GRIA4: variants seen among roughly 807,000 people sequenced by gnomAD.
GRIA4 encodes the protein glutamate receptor 4.
GRIA4 carries 34 observed loss-of-function variants against 104.0 expected under a neutral mutation model. The ratio of observed to expected loss-of-function variants is 0.33; its 90% CI spans 0.25 to 0.44. The LOEUF (loss-of-function observed/expected upper bound fraction) is 0.44, where lower values mean the gene tolerates loss of function less well. GRIA4 is among the 20% of genes least tolerant of loss of function. The probability of loss-of-function intolerance (pLI) is 1.00; values close to 1 mark genes in which losing one functional copy is unlikely to be tolerated. For synonymous variants in GRIA4, 386 were observed against 381.9 expected (o/e 1.01, Z -0.13); for missense variants, 750 against 1,096.5 (o/e 0.68, Z 4.46).
chr11:105,727,601 A>T (rs1938297107), intron 3 of GRIA4, among the ~76,000 whole-genome samples: 1 of 152,192 alleles, frequency 6.6e-6, no homozygotes, highest in Non-Finnish European at 1.5e-5. Context: ...GAAATGAAGG[A>T]AAAAATGTTA....
Position 105,933,879 on chromosome 11 carries a change from A to G in GRIA4, c.2204A>G (p.Glu735Gly). 6.2e-7 allele frequency: 1 copy of G among 1,613,456 alleles called. No homozygotes were observed. The highest frequency in any genetic ancestry group is 8.5e-7 in the Non-Finnish European group (1 of 1,179,520). The stretch of plus-strand genomic sequence containing the variant: ...GAGTCCACTATGAATGAATACATTG[A>G]GCAGCGAAAGCCATGTGACACGATG... ...LLESTMNEYI[E>G]QRKPCDTMKV... is the part of the protein sequence containing the mutation. Residue 735 changes from glutamate to glycine, a missense_variant, in exon 14 of 17, where the codon GAG becomes GGG. Coordinates refer to ENST00000282499, the MANE Select transcript of GRIA4 (RefSeq NM_000829.4).
intron 13 of GRIA4, among the ~76,000 whole-genome samples, chr11:105,932,336 A>C (rs945208570): frequency 3.3e-5 from 5 of 151,952 alleles, no homozygotes; most frequent in Admixed American, 6.6e-5. Context: ...ACAGGGTTTC[A>C]CCATGTTGGC....
At chr11:105,806,350 C>T (rs925465533) in intron 4 of GRIA4, among the ~76,000 whole-genome samples, 1 of 151,628 alleles carries the variant, frequency 6.6e-6, no homozygotes, top group Non-Finnish European at 1.5e-5. Context: ...AGAGATAGAA[C>T]AAAGGAGAAC....
intron 4 of GRIA4, among the ~76,000 whole-genome samples, chr11:105,819,094 T>C (rs531264971): frequency 1.3e-5 from 2 of 152,272 alleles, no homozygotes; most frequent in South Asian, 4.1e-4. Context: ...TATTTTAGTA[T>C]ATAATTTGTC....
rs141341912 is a variant in GRIA4, at chr11:105,686,360, T to C, written c.248-66621T>C. Among the ~76,000 whole-genome samples the C allele has an allele frequency of 2.0e-3, 305 of 152,352 alleles. 2 individuals are homozygous for C. Among genetic ancestry groups the C allele is most frequent in the African/African-American group, 7.1e-3 (294 of 41,582 alleles). The stretch of plus-strand genomic sequence containing the variant: ...TGTTCCTGCGTTAATTCACTTAAGC[T>C]AGTGGCTTCCAGCTGCATCTATGTT... On this transcript the variant is annotated intron_variant, in intron 3 of 16. Transcript: ENST00000282499.
At chr11:105,630,176 C>T (rs1440454269) in intron 3 of GRIA4, among the ~76,000 whole-genome samples, 1 of 152,176 alleles carries the variant, frequency 6.6e-6, no homozygotes, top group East Asian at 1.9e-4. Flanking sequence ...TTTATTTGCA[C>T]TCCCCACATT....
intron 14 of GRIA4, among the ~76,000 whole-genome samples, chr11:105,963,844 A>G (rs1948797890): frequency 6.6e-6 from 1 of 152,116 alleles, no homozygotes; most frequent in Admixed American, 6.5e-5. Context: ...GATATGGTTA[A>G]TAACCCTGTT....
chr11:105,657,445 A>C (rs1951877732), intron 3 of GRIA4, among the ~76,000 whole-genome samples: 1 of 152,022 alleles, frequency 6.6e-6, no homozygotes. Context: ...ATTTTGATAC[A>C]TTTTTATCTT....
intron 5 of GRIA4, among the ~76,000 whole-genome samples, chr11:105,864,449 G>T (rs1945336597): frequency 1.3e-5 from 2 of 152,066 alleles, no homozygotes; most frequent in South Asian, 4.1e-4. Flanking sequence ...ATTTTTAAAA[G>T]GTAAAAAGTT....
At chr11:105,785,770 G>T (rs573286149) in intron 4 of GRIA4, among the ~76,000 whole-genome samples, 1 of 152,236 alleles carries the variant, frequency 6.6e-6, no homozygotes, top group Admixed American at 6.5e-5. Context: ...AAAGGAAATG[G>T]TGGCAAACTC....
intron 5 of GRIA4, among the ~76,000 whole-genome samples, chr11:105,884,031 A>G (rs1946162311): frequency 6.6e-6 from 1 of 152,220 alleles, no homozygotes; most frequent in South Asian, 2.1e-4. Flanking sequence ...ATCTCACACC[A>G]GTTAGAATGG....
intron 3 of GRIA4, among the ~76,000 whole-genome samples, chr11:105,636,582 C>T (rs1263994506): frequency 6.6e-6 from 1 of 152,186 alleles, no homozygotes; most frequent in Non-Finnish European, 1.5e-5. Context: ...CACCTCTCCC[C>T]TTTTTCCCTT....
At chr11:105,861,713 T>C (rs1417715897) in intron 4 of GRIA4, among the ~76,000 whole-genome samples, 1 of 152,178 alleles carries the variant, frequency 6.6e-6, no homozygotes, top group Non-Finnish European at 1.5e-5. Context: ...TGACTACAGA[T>C]GGTGGTGGAT....
At chr11:105,654,294 C>T (rs116577337) in intron 3 of GRIA4, among the ~76,000 whole-genome samples, 5,918 of 151,250 alleles carry the variant, frequency 0.039, 380 homozygotes, top group African/African-American at 0.13. Context: ...AACATGCTGA[C>T]TGTGACTATA....
chr11:105,924,955 A>G (rs1947664894), intron 12 of GRIA4, among the ~76,000 whole-genome samples, 186 bp downstream of exon 12: 1 of 152,162 alleles, frequency 6.6e-6, no homozygotes, highest in Admixed American at 6.6e-5. Flanking sequence ...ATAAATATTA[A>G]CTTTCTCAAT....
At chr11:105,859,974 T>C (rs978672507) in intron 4 of GRIA4, among the ~76,000 whole-genome samples, 5 of 152,088 alleles carry the variant, frequency 3.3e-5, no homozygotes, top group African/African-American at 1.2e-4. Flanking sequence ...GTTACATATG[T>C]GTCGAATGGG....
At chr11:105,657,689 TACA>T (rs1263372099) in intron 3 of GRIA4, among the ~76,000 whole-genome samples, 1 of 151,996 alleles carries the variant, frequency 6.6e-6, no homozygotes, top group East Asian at 1.9e-4. Context: ...CTCTGATTGC[TACA>T]ACACTTTTCA....
At chr11:105,643,158 T>G (rs896835485) in intron 3 of GRIA4, among the ~76,000 whole-genome samples, 6 of 152,140 alleles carry the variant, frequency 3.9e-5, no homozygotes, top group African/African-American at 1.4e-4. Flanking sequence ...GGAACTACAA[T>G]TCAAGATGAG....
intron 5 of GRIA4, among the ~76,000 whole-genome samples, chr11:105,873,707 A>G (rs1470243507): frequency 2.0e-5 from 3 of 152,158 alleles, no homozygotes; most frequent in Non-Finnish European, 4.4e-5. Flanking sequence ...TCTTGGCCAC[A>G]AAAATGTCTT....
Sources: allele counts gnomAD v4.1 joint callset (sites outside exome capture counted in the v4.1 genomes callset), GRCh38; gene constraint gnomAD v4.1.1; transcripts MANE v1.5; gene names NCBI Gene and HGNC (gene_info 2026-07-23, HGNC 2026-07-21).